Variants in FHL1 observed in about 807,000 individuals in gnomAD.
FHL1 encodes the protein four and a half LIM domains 1.
FHL1 carries 1 observed loss-of-function variant against 20.3 expected under a neutral mutation model. That is an observed-to-expected ratio of 0.05 (90% CI 0.02 to 0.23). FHL1 has a LOEUF of 0.23. Ranked by LOEUF, FHL1 falls within the 10% of genes least tolerant of loss-of-function variation. The probability of loss-of-function intolerance (pLI) is 1.00; values close to 1 mark genes in which losing one functional copy is unlikely to be tolerated. For missense variants in FHL1, 177 were observed against 234.0 expected, an observed-to-expected ratio of 0.76 and a Z score of 1.59; for synonymous variants, 82 against 88.9, an observed-to-expected ratio of 0.92 and a Z score of 0.44.
At chrX:136,192,738 G>T (rs138497521), upstream of FHL1, among the ~76,000 whole-genome samples, 56 of 111,743 alleles carry the variant, frequency 5.0e-4, no homozygotes, top group East Asian at 0.015. Flanking sequence ...TCTCTGATGG[G>T]TATGCCATGA....
intron 1 of FHL1, among the ~76,000 whole-genome samples, chrX:136,203,191 C>T (rs1269732146): frequency 8.9e-6 from 1 of 112,408 alleles, no homozygotes; most frequent in East Asian, 2.8e-4. Flanking sequence ...GCAACAAATC[C>T]AACATTCCTA....
At chrX:136,197,007 T>C, upstream of FHL1, 1 of 1,055,847 alleles carries the variant, frequency 9.5e-7, no homozygotes, top group Non-Finnish European at 1.3e-6. Context: ...ATTTTTGTGT[T>C]AGCCGCTTCC....
At chrX:136,160,421 T>G in intron 1 of FHL1, among the ~76,000 whole-genome samples, 1 of 111,602 alleles carries the variant, frequency 9.0e-6, no homozygotes, top group Non-Finnish European at 1.9e-5. Flanking sequence ...CTGTTTAGTT[T>G]TTTTGTTTGT....
At chrX:136,205,567 C>G (rs1024900394) in intron 1 of FHL1, among the ~76,000 whole-genome samples, 3 of 111,960 alleles carry the variant, frequency 2.7e-5, no homozygotes, top group African/African-American at 9.7e-5. Flanking sequence ...TATAAGTCCT[C>G]TCTTGCTATA....
rs367592190 is a variant in FHL1, at chrX:136,209,314, C to T, written c.737-557C>T. 54 of 1,208,993 alleles carry T rather than the reference C, an allele frequency of 4.5e-5. No homozygotes were observed. The African/African-American group carries it at 6.7e-4, about 15-fold the overall frequency. On this transcript the variant is annotated intron_variant, in intron 5 of 5. Coordinates refer to ENST00000370683, the MANE Select transcript of FHL1 (RefSeq NM_001159699.2). ...GAAGCCCCCAGTGTGCCACGGGAAA[C>T]GCTTGCCTCTCACCCTGTTTCCCAG...
At chrX:136,202,477 A>G (rs914148241) in intron 1 of FHL1, among the ~76,000 whole-genome samples, 1 of 111,901 alleles carries the variant, frequency 8.9e-6, no homozygotes, top group African/African-American at 3.2e-5. Context: ...AACCCCTGTA[A>G]TCTCAGGTGC....
rs143712948 is a variant in FHL1, at chrX:136,155,111, A to T, written c.-101+7483A>T. Among the ~76,000 whole-genome samples, 1,111 of 111,679 alleles carry T rather than the reference A, an allele frequency of 9.9e-3. 11 individuals carry two copies. The highest frequency in any genetic ancestry group is 0.034 in the African/African-American group (1,044 of 30,764). Reference sequence around the variant, plus strand: ...GCTGTGAGGGTCATTCTCTCTTTGTATCTGTTTCACTCTCAGGGTGACTCT... The same window carrying T: ...GCTGTGAGGGTCATTCTCTCTTTGTTTCTGTTTCACTCTCAGGGTGACTCT... On this transcript the variant is annotated intron_variant, in intron 1 of 7. Coordinates refer to the FHL1 transcript ENST00000394155.
At chrX:136,206,788 C>T (rs748216100) in intron 2 of FHL1, among the ~76,000 whole-genome samples, 200 bp downstream of exon 2, 5 of 113,504 alleles carry the variant, frequency 4.4e-5, no homozygotes, top group South Asian at 7.1e-4. Flanking sequence ...TGGGCGCCAG[C>T]GCCCTTGCCA....
chrX:136,182,319 CAGTT>C (rs1391973249), intron 2 of FHL1, among the ~76,000 whole-genome samples: 4 of 112,098 alleles, frequency 3.6e-5, no homozygotes, highest in Admixed American at 1.9e-4. Context: ...GGCAGAGGAA[CAGTT>C]AACTGAGGAC....
chrX:136,210,701 T>G lies in FHL1; in HGVS notation c.*676T>G. On this transcript the variant is annotated 3_prime_UTR_variant, in exon 6 of 6. Transcript: ENST00000370683. ...TAAAGCATGGAACATGCAGGTGATT[T>G]GGGAAGTGTAGAAAGACCTGAGAAA... 1 of 389,390 alleles carries G rather than the reference T, an allele frequency of 2.6e-6. No homozygotes were observed. Among genetic ancestry groups the G allele is most frequent in the South Asian group, 2.6e-5 (1 of 38,906 alleles). The allele number at this position is 389,390 out of a possible 1,213,427, so 32.1% of individuals were successfully genotyped here.
chrX:136,165,420 C>T (rs189260648), upstream of FHL1, among the ~76,000 whole-genome samples: 3 of 111,346 alleles, frequency 2.7e-5, no homozygotes, highest in East Asian at 8.4e-4. Context: ...GTGCACATGC[C>T]GATGTTTCTG....
upstream of FHL1, among the ~76,000 whole-genome samples, chrX:136,169,131 C>T (rs746943620): frequency 8.9e-6 from 1 of 111,807 alleles, no homozygotes; most frequent in African/African-American, 3.3e-5. Flanking sequence ...AGTGATCACA[C>T]TCCCTTTCTC....
intron 1 of FHL1, chrX:136,148,521 C>T (rs1169282403): frequency 9.1e-6 from 1 of 110,423 alleles, no homozygotes; most frequent in African/African-American, 3.3e-5. Flanking sequence ...GGCGTGACCT[C>T]TCCCGCCTCG....
chrX:136,178,102 A>G (rs939446948), intron 2 of FHL1, among the ~76,000 whole-genome samples: 1 of 112,157 alleles, frequency 8.9e-6, no homozygotes, highest in Non-Finnish European at 1.9e-5. Flanking sequence ...TTAAGGCCTG[A>G]AGTCCTTAAT....
At chrX:136,157,727 G>T (rs2072459704) in intron 1 of FHL1, among the ~76,000 whole-genome samples, 1 of 111,236 alleles carries the variant, frequency 9.0e-6, no homozygotes, top group Non-Finnish European at 1.9e-5. Flanking sequence ...TCTATAAAAA[G>T]ACTATATTTA....
Position 136,211,005 on chromosome X carries a change from G to A in FHL1, c.*980G>A. 1 of 376,445 alleles carries A rather than the reference G, an allele frequency of 2.7e-6. No individual in the cohort carries two copies. The highest frequency in any genetic ancestry group is 5.0e-6 in the Non-Finnish European group (1 of 198,889). The allele number at this position is 376,445 out of a possible 1,213,427, so 31.0% of individuals were successfully genotyped here. A position where few individuals can be genotyped will look rare whatever the true frequency, so the allele number is the denominator to read the frequency against. On this transcript the variant is annotated 3_prime_UTR_variant, in exon 6 of 6. Coordinates refer to ENST00000370683, the MANE Select transcript of FHL1 (RefSeq NM_001159699.2). ...CATGGATATGACATTTCACAACAGT[G>A]ACTAGTTGAATCCCTTGTAACGTAG...
At chrX:136,172,314 T>C (rs1014583677) in intron 2 of FHL1, among the ~76,000 whole-genome samples, 1 of 112,826 alleles carries the variant, frequency 8.9e-6, no homozygotes, top group Non-Finnish European at 1.9e-5. Flanking sequence ...AGGGCAGGAA[T>C]GTAGTGGTGA....
intron 1 of FHL1, 149 bp from the exon 2 acceptor site, chrX:136,206,258 G>C (rs2073837024): frequency 1.5e-6 from 1 of 671,422 alleles, no homozygotes; most frequent in Admixed American, 2.3e-5. Flanking sequence ...TTGGTGCCTG[G>C]TAGTCAGCTC....
At chrX:136,167,301 G>A (rs2072737923), upstream of FHL1, among the ~76,000 whole-genome samples, 1 of 111,331 alleles carries the variant, frequency 9.0e-6, no homozygotes, top group Non-Finnish European at 1.9e-5. Flanking sequence ...CACCTTCCAG[G>A]TTCAAGCAAT....
Sources: allele counts gnomAD v4.1 joint callset (sites outside exome capture counted in the v4.1 genomes callset), GRCh38; gene constraint gnomAD v4.1.1; transcripts MANE v1.5; gene names NCBI Gene and HGNC (gene_info 2026-07-23, HGNC 2026-07-21).